TRAPPC9: variants seen among roughly 807,000 people sequenced by gnomAD.
TRAPPC9 encodes trafficking protein particle complex subunit 9, also known as IKK2 binding protein.
A neutral mutation model predicts 124.0 loss-of-function variants in TRAPPC9; 83 were observed. The ratio of observed to expected loss-of-function variants is 0.67; its 90% confidence interval spans 0.56 to 0.80. The LOEUF is 0.80. Ranked by LOEUF, TRAPPC9 falls within the 30% of genes least tolerant of loss-of-function variation. The probability of loss-of-function intolerance (pLI) is 0.00; values close to 1 mark genes in which losing one functional copy is unlikely to be tolerated. For missense variants in TRAPPC9, 1,302 were observed against 1,508.3 expected, an observed-to-expected ratio of 0.86 and a Z score of 2.27; for synonymous variants, 638 against 617.5, an observed-to-expected ratio of 1.03 and a Z score of -0.49.
At chr8:140,287,787 T>G in intron 12 of TRAPPC9, 53 bp from the exon 13 acceptor site, 1 of 1,612,592 alleles carries the variant, frequency 6.2e-7, no homozygotes, top group South Asian at 1.1e-5. Context: ...CTGTGTGTGC[T>G]CAGTTCCAAA....
At chr8:139,988,612 G>C (rs1837413635) in intron 19 of TRAPPC9, 114 bp downstream of exon 19, 4 of 735,886 alleles carry the variant, frequency 5.4e-6, no homozygotes, top group Non-Finnish European at 9.5e-6. Flanking sequence ...CTGAAAGGGA[G>C]ACAAACTGCC....
intron 14 of TRAPPC9, among the ~76,000 whole-genome samples, chr8:140,281,812 A>C (rs912361060): frequency 2.6e-5 from 4 of 151,976 alleles, no homozygotes; most frequent in Admixed American, 2.6e-4. Context: ...CAGTGTCTCC[A>C]CCTCTCCTTC....
intron 9 of TRAPPC9, among the ~76,000 whole-genome samples, chr8:140,334,034 A>G (rs1222230714): frequency 1.3e-5 from 2 of 152,234 alleles, no homozygotes; most frequent in Admixed American, 1.3e-4. Context: ...CATTGTTTAC[A>G]GATGAGAGAA....
intron 16 of TRAPPC9, among the ~76,000 whole-genome samples, chr8:140,233,711 T>G (rs1424504383): frequency 1.3e-5 from 2 of 148,304 alleles, no homozygotes. Context: ...GGAACTGGCT[T>G]TGCTCTTTTC....
chr8:140,005,958 T>C (rs771533178), intron 18 of TRAPPC9, among the ~76,000 whole-genome samples: 15 of 150,582 alleles, frequency 1.0e-4, no homozygotes, highest in Non-Finnish European at 1.5e-4. Flanking sequence ...GAAAATGTCA[T>C]GTATGTCTTT....
At chr8:140,352,848 GTCT>G (rs760028159) in intron 9 of TRAPPC9, among the ~76,000 whole-genome samples, 2 of 152,136 alleles carry the variant, frequency 1.3e-5, no homozygotes, top group Non-Finnish European at 2.9e-5. Context: ...CTCTCTCCGA[GTCT>G]TCTTAAGGTA....
intron 17 of TRAPPC9, among the ~76,000 whole-genome samples, chr8:140,220,872 G>A (rs1433570878): frequency 6.6e-6 from 1 of 152,192 alleles, no homozygotes; most frequent in Non-Finnish European, 1.5e-5. Context: ...CAGTCCTCCT[G>A]CTCTACACGC....
chr8:139,948,213 C>T (rs1356994829), intron 19 of TRAPPC9, among the ~76,000 whole-genome samples: 1 of 150,880 alleles, frequency 6.6e-6, no homozygotes, highest in South Asian at 2.1e-4. Flanking sequence ...AACGAAGAGC[C>T]CTCCTTACAC....
In TRAPPC9 at chr8:139,887,096, G is replaced by C. The variant is rs531284866; in HGVS notation, c.2965-1127C>G. Among the ~76,000 whole-genome samples, 9 of 152,234 alleles carry C rather than the reference G, an allele frequency of 5.9e-5. No homozygotes were observed. The South Asian group carries it at 1.9e-3, about 32-fold the overall frequency. ...CACAGAGGGCTGTCCAGACAAGAAG[G>C]CTGCCCAAGAGAGCCCGCCGGTCAC... On this transcript the variant is annotated intron_variant, in intron 20 of 22. Coordinates refer to ENST00000438773, the MANE Select transcript of TRAPPC9 (RefSeq NM_001160372.4).
chr8:139,801,008 C>T (rs1180491889), intron 21 of TRAPPC9, among the ~76,000 whole-genome samples: 1 of 150,262 alleles, frequency 6.7e-6, no homozygotes, highest in Non-Finnish European at 1.5e-5. Context: ...CCTTCCCTCC[C>T]TCCGGCATCT....
intron 7 of TRAPPC9, among the ~76,000 whole-genome samples, chr8:140,380,382 G>A (rs2068566186): frequency 6.6e-6 from 1 of 152,172 alleles, no homozygotes; most frequent in African/African-American, 2.4e-5. Context: ...GCCCTGGCAT[G>A]GCGGCTCACG....
At chr8:140,139,588 T>C (rs2061353214) in intron 17 of TRAPPC9, among the ~76,000 whole-genome samples, 2 of 152,074 alleles carry the variant, frequency 1.3e-5, no homozygotes, top group Non-Finnish European at 2.9e-5. Flanking sequence ...GGGAATACGG[T>C]AGTCCAGTGA....
At chr8:140,285,736 T>C (rs544119025) in intron 13 of TRAPPC9, among the ~76,000 whole-genome samples, 3 of 151,112 alleles carry the variant, frequency 2.0e-5, no homozygotes. Flanking sequence ...CCCCCATTCA[T>C]TTGAATAGTT....
At chr8:140,133,634 G>A (rs1356539999) in intron 17 of TRAPPC9, among the ~76,000 whole-genome samples, 2 of 152,120 alleles carry the variant, frequency 1.3e-5, no homozygotes, top group East Asian at 3.8e-4. Flanking sequence ...GTATTCACAG[G>A]TGACATGAGC....
chr8:140,176,566 T>A (rs1208262872), intron 17 of TRAPPC9, among the ~76,000 whole-genome samples: 1 of 152,264 alleles, frequency 6.6e-6, no homozygotes, highest in East Asian at 1.9e-4. Flanking sequence ...TCCATTCATC[T>A]GTTCCTGGAC....
At chr8:139,743,224 T>C (rs905215393) in intron 21 of TRAPPC9, among the ~76,000 whole-genome samples, 5 of 152,234 alleles carry the variant, frequency 3.3e-5, no homozygotes, top group Admixed American at 2.0e-4. Context: ...CTTCAGGGCA[T>C]GTCCCCTCAA....
chr8:140,075,801 G>A (rs751172836), intron 17 of TRAPPC9, among the ~76,000 whole-genome samples: 20 of 152,188 alleles, frequency 1.3e-4, no homozygotes, highest in Non-Finnish European at 2.6e-4. Flanking sequence ...TTCTAGGGCT[G>A]TACACATTTT....
At chr8:140,128,400 T>A (rs977141496) in intron 17 of TRAPPC9, among the ~76,000 whole-genome samples, 1 of 152,268 alleles carries the variant, frequency 6.6e-6, no homozygotes, top group Non-Finnish European at 1.5e-5. Flanking sequence ...TGGGTCACCC[T>A]GTGCCCAGCC....
At chr8:140,221,181 C>T (rs780958010) in intron 17 of TRAPPC9, among the ~76,000 whole-genome samples, 6 of 152,178 alleles carry the variant, frequency 3.9e-5, no homozygotes, top group East Asian at 1.9e-4. Context: ...AATAGAGAAA[C>T]GGCAGGAGAG....
Sources: allele counts gnomAD v4.1 joint callset (sites outside exome capture counted in the v4.1 genomes callset), GRCh38; gene constraint gnomAD v4.1.1; transcripts MANE v1.5; gene names NCBI Gene and HGNC (gene_info 2026-07-23, HGNC 2026-07-21).